Variants in LARS1 observed in about 807,000 individuals in gnomAD.
LARS1 encodes leucine--tRNA ligase, cytoplasmic.
LARS1 carries 100 observed loss-of-function variants against 162.8 expected under a neutral mutation model. The ratio of observed to expected loss-of-function variants is 0.61; its 90% CI spans 0.52 to 0.73. The LOEUF is 0.73. LARS1 is among the 30% of genes least tolerant of loss of function. The pLI, the probability that LARS1 is intolerant of heterozygous loss-of-function variation, is 0.00. For synonymous variants in LARS1, 457 were observed against 462.8 expected (o/e 0.99, Z 0.16); for missense variants, 1,258 against 1,408.9 (o/e 0.89, Z 1.71).
In LARS1 at chr5:146,164,257, T is replaced by TAAAAAAGCACTTAC. The variant is rs1554131375; in HGVS notation, c.594+52_594+53insGTAAGTGCTTTTTT. ...GAAAGCACAATAAAGCAAAGCACAA[T>TAAAAAAGCACTTAC]AAAAAAGCACATACTTGTAAATGCT... On this transcript the variant is annotated intron_variant, in intron 6 of 31. Coordinates refer to ENST00000394434, the MANE Select transcript of LARS1 (RefSeq NM_020117.11). 31 of 1,518,032 alleles carry TAAAAAAGCACTTAC rather than the reference T, an allele frequency of 2.0e-5. No homozygotes were observed. The African/African-American group carries it at 4.2e-4, about 20-fold the overall frequency. 94.0% of individuals were successfully genotyped at this position (1,518,032 alleles called of 1,614,324 possible).
At position 146,146,280 on chromosome 5, in the gene LARS1, C is replaced by T. The variant is rs368772830; in HGVS notation, c.1504-1571G>A. Among the ~76,000 whole-genome samples the T allele has an allele frequency of 4.1e-5, 6 of 146,744 alleles. No homozygotes were observed. In the South Asian group the frequency reaches 1.1e-3, roughly 27 times the overall value. On this transcript the variant is annotated intron_variant, in intron 15 of 31. Coordinates refer to ENST00000394434, the MANE Select transcript of LARS1 (RefSeq NM_020117.11). ...CGCTTGAGCCAGGAGGCAGAGGCTG[C>T]GGTGAGCTGAGATCGTGCCATTGCA...
At chr5:146,158,421 G>A (rs1296843477) in intron 8 of LARS1, among the ~76,000 whole-genome samples, 1 of 152,146 alleles carries the variant, frequency 6.6e-6, no homozygotes, top group East Asian at 1.9e-4. Flanking sequence ...GGCTGATTTT[G>A]AAAATATGTT....
chr5:146,173,748 C>T (rs762457332), intron 2 of LARS1, among the ~76,000 whole-genome samples: 14 of 152,014 alleles, frequency 9.2e-5, no homozygotes, highest in Non-Finnish European at 1.6e-4. Context: ...ACTGAAACTA[C>T]CTGTTTCCTC....
chr5:146,126,821 G>A (rs920547871), intron 27 of LARS1, among the ~76,000 whole-genome samples: 1 of 151,932 alleles, frequency 6.6e-6, no homozygotes, highest in East Asian at 1.9e-4. Flanking sequence ...AAACTAAATG[G>A]TCTCATAAAA....
intron 21 of LARS1, chr5:146,137,702 A>C: frequency 5.0e-6 from 1 of 200,746 alleles, no homozygotes; most frequent in South Asian, 6.7e-5. Flanking sequence ...AGCTCTTCCC[A>C]TCATCTTGGA....
At chr5:146,133,334 T>A (rs955892878) in intron 22 of LARS1, among the ~76,000 whole-genome samples, 6 of 152,172 alleles carry the variant, frequency 3.9e-5, no homozygotes, top group Non-Finnish European at 7.4e-5. Flanking sequence ...CTCAGGCATG[T>A]TGAGTTAATG....
rs868169707 is a variant in LARS1, at chr5:146,126,449, C to T, written c.2977G>A (p.Val993Ile). 7 of 1,608,230 alleles carry T rather than the reference C, an allele frequency of 4.4e-6. No individual in the cohort carries two copies. In the Middle Eastern group the frequency reaches 5.0e-4, roughly 114 times the overall value. Residue 993 changes from valine (V) to isoleucine (I), a missense_variant, in exon 28 of 32, where the codon GTT becomes ATT. Transcript: ENST00000394434. ...CCACAGCTTACCTTAATCATGGCAA[C>T]AAATGGCATGACTTTCTTCATGTAT... is the stretch of plus-strand genomic sequence containing the variant. ...KKYMKKVMPFVAMIKENLEKM... is the reference protein window; with the variant it reads ...KKYMKKVMPFIAMIKENLEKM...
At chr5:146,167,896 G>A (rs1754089408) in intron 5 of LARS1, among the ~76,000 whole-genome samples, 1 of 151,674 alleles carries the variant, frequency 6.6e-6, no homozygotes, top group Non-Finnish European at 1.5e-5. Context: ...ATGTTAGCCA[G>A]GATGGTCTCG....
Position 146,171,919 on chromosome 5 carries a change from C to T in LARS1, c.285G>A (p.Met95Ile), listed in dbSNP as rs1388331252. ...CTATTAGCGATCTTACCTTAATAGGCATTCCAGTACAGTGCAGGCCAAAGG... is the reference window on the plus strand; with the variant it reads ...CTATTAGCGATCTTACCTTAATAGGTATTCCAGTACAGTGCAGGCCAAAGG... ...LFPFGLHCTG[M>I]PIKACADKLK... The change falls in exon 4 of 32, where the codon ATG (methionine) becomes ATA (isoleucine). Residue 95 changes from methionine to isoleucine, a missense_variant. Transcript: ENST00000394434. 6.2e-7 allele frequency: 1 copy of T among 1,610,392 alleles called. No homozygotes were observed. Among genetic ancestry groups the T allele is most frequent in the Non-Finnish European group, 8.5e-7 (1 of 1,178,038 alleles).
intron 31 of LARS1, 102 bp downstream of exon 31, chr5:146,120,269 A>G (rs1751756305): frequency 8.3e-7 from 1 of 1,207,732 alleles, no homozygotes; most frequent in Non-Finnish European, 1.2e-6. Flanking sequence ...AATAATACAC[A>G]GCTGTCCATA....
intron 31 of LARS1, among the ~76,000 whole-genome samples, chr5:146,116,587 C>T (rs990976990): frequency 1.3e-5 from 2 of 152,204 alleles, no homozygotes; most frequent in African/African-American, 2.4e-5. Context: ...ATCATTGAAA[C>T]TGTTGAAATT....
At position 146,133,994 on chromosome 5, in the gene LARS1, G is replaced by A. The variant is rs181667745; in HGVS notation, c.2213-913C>T. ...TGAGTAGCTGGGATTACAGGCATGCGCCACCACGCCCGGCTAATTTTGTAC... is the reference window on the plus strand; with the variant it reads ...TGAGTAGCTGGGATTACAGGCATGCACCACCACGCCCGGCTAATTTTGTAC... On this transcript the variant is annotated intron_variant, in intron 22 of 31. Transcript: ENST00000394434. Among the ~76,000 whole-genome samples the A allele has an allele frequency of 2.2e-3, 331 of 152,172 alleles. 3 individuals carry two copies. Among genetic ancestry groups the A allele is most frequent in the African/African-American group, 7.8e-3 (322 of 41,516 alleles).
In LARS1 at chr5:146,126,457, A is replaced by G; in HGVS notation, c.2969T>C (p.Met990Thr). ...TACCTTAATCATGGCAACAAATGGC[A>G]TGACTTTCTTCATGTATTTCTTCAG... ...PELKKYMKKV[M>T]PFVAMIKENL... Residue 990 changes from methionine to threonine, a missense_variant, in exon 28 of 32, where the codon ATG becomes ACG. Coordinates refer to ENST00000394434, the MANE Select transcript of LARS1 (RefSeq NM_020117.11). 6.2e-7 allele frequency: 1 copy of G among 1,610,972 alleles called. No homozygotes were observed. The highest frequency in any genetic ancestry group is 8.5e-7 in the Non-Finnish European group (1 of 1,177,572).
intron 29 of LARS1, 103 bp from the exon 30 acceptor site, chr5:146,122,690 C>A: frequency 1.8e-6 from 1 of 546,228 alleles, no homozygotes; most frequent in South Asian, 3.2e-5. Flanking sequence ...CTCCAGTTAA[C>A]ATGAAATGGT....
chr5:146,123,855 C>T, intron 29 of LARS1, 127 bp downstream of exon 29: 1 of 469,708 alleles, frequency 2.1e-6, no homozygotes, highest in Non-Finnish European at 3.7e-6. Context: ...ATATTTTCGA[C>T]TAATATATTT....
intron 13 of LARS1, among the ~76,000 whole-genome samples, chr5:146,152,458 C>A (rs1195778309): frequency 6.6e-6 from 1 of 152,176 alleles, no homozygotes; most frequent in African/African-American, 2.4e-5. Context: ...TCATGGGTGG[C>A]ATTAGATTCT....
chr5:146,124,228 T>C (rs1581008512), intron 28 of LARS1, 142 bp from the exon 29 acceptor site: 2 of 559,826 alleles, frequency 3.6e-6, no homozygotes, highest in East Asian at 2.8e-5. Context: ...GGACTCATGA[T>C]TTCCTTTACC....
chr5:146,172,073 G>A (rs1162876775), intron 3 of LARS1, 83 bp from the exon 4 acceptor site: 1 of 1,244,674 alleles, frequency 8.0e-7, no homozygotes, highest in Non-Finnish European at 1.2e-6. Flanking sequence ...AAAAAAATTA[G>A]TTTTCTTCTT....
Position 146,168,020 on chromosome 5 carries a change from T to A in LARS1, c.432+108A>T. On this transcript the variant is annotated intron_variant, in intron 5 of 31. Coordinates refer to ENST00000394434, the MANE Select transcript of LARS1 (RefSeq NM_020117.11). ...TTTTTGCTTTGATACTTTAAAAAAA[T>A]GATCTAGTACATTTTATGTGTTGGG... 4 of 945,332 alleles carry A rather than the reference T, an allele frequency of 4.2e-6. No individual in the cohort carries two copies. The South Asian group carries it at 6.6e-5, about 16-fold the overall frequency. The allele number at this position is 945,332 out of a possible 1,614,324, so 58.6% of individuals were successfully genotyped here.
Sources: allele counts gnomAD v4.1 joint callset (sites outside exome capture counted in the v4.1 genomes callset), GRCh38; gene constraint gnomAD v4.1.1; transcripts MANE v1.5; gene names NCBI Gene and HGNC (gene_info 2026-07-23, HGNC 2026-07-21).